The following TMEM233 variants were observed in gnomAD, a reference collection of about 807,000 sequenced individuals.
TMEM233 encodes dispanin subfamily B member 2.
Under a neutral mutation model 11.2 loss-of-function variants are expected in TMEM233, and 6 were observed. The observed-to-expected ratio is 0.54, with a 90% CI of 0.29 to 1.06. The LOEUF (loss-of-function observed/expected upper bound fraction) is 1.06. Ranked by LOEUF, TMEM233 falls within the 50% of genes least tolerant of loss-of-function variation. The pLI is 0.08. For missense variants in TMEM233, 127 were observed against 144.7 expected (o/e 0.88, Z 0.63); for synonymous variants, 59 against 55.8 (o/e 1.06, Z -0.26).
the TMEM233 span, among the ~76,000 whole-genome samples, chr12:119,651,406 T>C: frequency 6.6e-6 from 1 of 152,216 alleles, no homozygotes; most frequent in Admixed American, 6.5e-5. Context: ...GTATTCTTAC[T>C]GTAACAGTTA....
intron 1 of TMEM233, among the ~76,000 whole-genome samples, chr12:119,598,428 T>C (rs139496847): frequency 2.1e-3 from 316 of 152,362 alleles, no homozygotes; most frequent in Non-Finnish European, 4.0e-3. Context: ...CCAATGACTT[T>C]TGACTGGATG....
At chr12:119,605,109 C>T (rs778595942) in intron 1 of TMEM233, among the ~76,000 whole-genome samples, 22 of 151,388 alleles carry the variant, frequency 1.5e-4, no homozygotes, top group Non-Finnish European at 3.1e-4. Flanking sequence ...CTCTATTTTA[C>T]TCCCTCTTTT....
chr12:119,618,820 A>G (rs1051736458), intron 1 of TMEM233, among the ~76,000 whole-genome samples: 1 of 152,060 alleles, frequency 6.6e-6, no homozygotes, highest in Non-Finnish European at 1.5e-5. Context: ...GAGAACTTGG[A>G]CTTGGACTTT....
At chr12:119,637,233 G>T (rs1320424140) in intron 2 of TMEM233, among the ~76,000 whole-genome samples, 1 of 152,160 alleles carries the variant, frequency 6.6e-6, no homozygotes, top group Non-Finnish European at 1.5e-5. Context: ...ATCTCTGAGT[G>T]GTCTTGTTGA....
At chr12:119,602,378 A>G (rs943418770) in intron 1 of TMEM233, among the ~76,000 whole-genome samples, 14 of 152,158 alleles carry the variant, frequency 9.2e-5, no homozygotes, top group African/African-American at 3.4e-4. Flanking sequence ...CACTTCTCCC[A>G]ATGTTCTCTG....
Position 119,595,712 on chromosome 12 carries a change from T to C in TMEM233, c.186+1678T>C, listed in dbSNP as rs1273750342. Among the ~76,000 whole-genome samples, 1 of 152,212 alleles carries C rather than the reference T, an allele frequency of 6.6e-6. No homozygotes were observed. The highest frequency in any genetic ancestry group is 1.5e-5 in the Non-Finnish European group (1 of 68,030). On this transcript the variant is annotated intron_variant, in intron 1 of 2. Transcript: ENST00000426426. The surrounding 1 kb of genome is among the most constrained non-coding windows in gnomAD (Gnocchi z 4.3). ...CAGCACGGTATCTTTACAAAATCTT[T>C]ACTCAAATGTCACTTCATGAGGCCT...
intron 1 of TMEM233, among the ~76,000 whole-genome samples, chr12:119,607,100 G>T (rs1954296213): frequency 6.6e-6 from 1 of 152,194 alleles, no homozygotes; most frequent in Admixed American, 6.5e-5. Flanking sequence ...CATGGGGGAA[G>T]AAAAGGCTGG....
chr12:119,652,977 G>A, the TMEM233 span, among the ~76,000 whole-genome samples: 13 of 152,118 alleles, frequency 8.5e-5, no homozygotes, highest in East Asian at 3.8e-4. Context: ...CCATACCTTC[G>A]TAACATAAGA....
intron 1 of TMEM233, among the ~76,000 whole-genome samples, chr12:119,614,322 G>A (rs935226979): frequency 6.6e-6 from 1 of 152,006 alleles, no homozygotes; most frequent in East Asian, 1.9e-4. Flanking sequence ...TGGGAGAATC[G>A]CTTGAACGTG....
chr12:119,646,596 C>T (rs575172942), downstream of TMEM233, among the ~76,000 whole-genome samples: 1 of 152,298 alleles, frequency 6.6e-6, no homozygotes, highest in East Asian at 1.9e-4. Flanking sequence ...CTCAGGGCCT[C>T]CTTCCATCTT....
At chr12:119,596,097 A>G (rs1420057171) in intron 1 of TMEM233, among the ~76,000 whole-genome samples, 2 of 152,118 alleles carry the variant, frequency 1.3e-5, no homozygotes, top group African/African-American at 4.8e-5. Context: ...CAACCAGCCA[A>G]TTTCCTCCCT....
rs1337445244 is a variant in TMEM233 at position 119,640,711 on chromosome 12, C to T, written c.*6C>T. ...CTGTACCACACAGTGCCTGAGGAAC[C>T]AGCGGTCAGTGGGCTGTGAGCGTGG... On this transcript the variant is annotated 3_prime_UTR_variant, in exon 3 of 3. Transcript: ENST00000426426. The T allele has an allele frequency of 1.3e-6, 2 of 1,550,812 alleles. No homozygotes were observed. The highest frequency in any genetic ancestry group is 1.7e-6 in the Non-Finnish European group (2 of 1,146,944).
Position 119,629,838 on chromosome 12 carries a change from A to C in TMEM233, c.289A>C (p.Ile97Leu). 1 of 1,551,646 alleles carries C rather than the reference A, an allele frequency of 6.4e-7. No homozygotes were observed. The highest frequency in any genetic ancestry group is 8.7e-7 in the Non-Finnish European group (1 of 1,146,968). ...IASIIIGLLI[I>L]GISCAVHFTR... The stretch of plus-strand genomic sequence containing the variant: ...CTCCATCATCATTGGCCTTCTCATC[A>C]TCGGCATTTCTTGTGCAGTTCACTT... Residue 97 changes from isoleucine (I) to leucine (L), a missense_variant, in exon 2 of 3, where the codon ATC (isoleucine) becomes CTC (leucine). Physicochemically the swap from Ile to Leu is conservative, Grantham distance 5. Transcript: ENST00000426426.
rs1268308999 is a variant in TMEM233, at chr12:119,628,381, G to C, written c.187-1355G>C. The stretch of plus-strand genomic sequence containing the variant: ...TTACCATGTTGGCCAGGATGGTCTT[G>C]AACTCCTGACCTCAGGTGATCCACC... On this transcript the variant is annotated intron_variant, in intron 1 of 2. Coordinates refer to ENST00000426426, the MANE Select transcript of TMEM233 (RefSeq NM_001136534.3). Among the ~76,000 whole-genome samples, 4 of 151,364 alleles carry C rather than the reference G, an allele frequency of 2.6e-5. No homozygotes were observed. In the East Asian group the frequency reaches 7.8e-4, roughly 30 times the overall value.
rs1017945727 is a variant in TMEM233 at position 119,641,761 on chromosome 12, T to A, written c.*1056T>A. 6.6e-6 allele frequency: 1 copy of A among 152,202 alleles called. No individual in the cohort carries two copies. The highest frequency in any genetic ancestry group is 1.5e-5 in the Non-Finnish European group (1 of 68,034). The allele number at this position is 152,202 out of a possible 1,614,324, so 9.4% of individuals were successfully genotyped here. ...AGTAGTTTCTAGGAACAACATTAAGTAATACCAAATCACAAAGAATGTTTC... is the reference window on the plus strand; with the variant it reads ...AGTAGTTTCTAGGAACAACATTAAGAAATACCAAATCACAAAGAATGTTTC... On this transcript the variant is annotated 3_prime_UTR_variant, in exon 3 of 3. Transcript: ENST00000426426.
At chr12:119,647,771 T>C, downstream of TMEM233, among the ~76,000 whole-genome samples, 1 of 146,692 alleles carries the variant, frequency 6.8e-6, no homozygotes, top group African/African-American at 2.5e-5. Flanking sequence ...TCTCCCTCCC[T>C]TTGCCCCCCA....
chr12:119,607,365 G>A (rs562985924), intron 1 of TMEM233, among the ~76,000 whole-genome samples: 6 of 152,110 alleles, frequency 3.9e-5, no homozygotes, highest in Admixed American at 2.6e-4. Context: ...GTTAGCGCGC[G>A]GTATTTCTAC....
downstream of TMEM233, among the ~76,000 whole-genome samples, chr12:119,644,702 CTCCTG>C (rs150806380): frequency 0.019 from 2,850 of 152,232 alleles, 71 homozygotes; most frequent in African/African-American, 0.064. Flanking sequence ...TGGTCTCGAA[CTCCTG>C]ACCTCAGGTG....
At chr12:119,619,870 A>G (rs961481768) in intron 1 of TMEM233, among the ~76,000 whole-genome samples, 2 of 152,132 alleles carry the variant, frequency 1.3e-5, no homozygotes, top group African/African-American at 2.4e-5. Flanking sequence ...TGTGTCTCCC[A>G]TTATATTTCT....
Sources: gnomAD v4.1 joint callset for allele counts (sites outside exome capture counted in the v4.1 genomes callset) on GRCh38, gnomAD v4.1.1 for gene constraint, Gnocchi (gnomAD v3.1) non-coding constraint, MANE v1.5 for transcripts, NCBI Gene and HGNC (gene_info 2026-07-23, HGNC 2026-07-21) for gene names.